LNX2: variants seen among roughly 807,000 people sequenced by gnomAD.
LNX2 encodes ligand of Numb protein X 2.
In LNX2, 35 loss-of-function variants were observed where a neutral mutation model predicts 66.2. The observed-to-expected ratio is 0.53, with a 90% CI of 0.40 to 0.70. The LOEUF (loss-of-function observed/expected upper bound fraction) is 0.70, where lower values mean the gene tolerates loss of function less well. Among genes scored for constraint, LNX2 ranks in the 30% least tolerant of loss-of-function variants. The pLI is 0.00. For synonymous variants in LNX2, 337 were observed against 315.6 expected, an observed-to-expected ratio of 1.07 and a Z score of -0.72; for missense variants, 791 against 850.8, an observed-to-expected ratio of 0.93 and a Z score of 0.87.
chr13:27,601,628 A>G (rs1420072528), intron 1 of LNX2, among the ~76,000 whole-genome samples: 1 of 152,222 alleles, frequency 6.6e-6, no homozygotes, highest in Non-Finnish European at 1.5e-5. Context: ...CTAAAATAAT[A>G]TATCATGCAT....
At chr13:27,548,920 C>A (rs1954974408) in intron 9 of LNX2, among the ~76,000 whole-genome samples, 3 of 152,158 alleles carry the variant, frequency 2.0e-5, no homozygotes, top group African/African-American at 7.2e-5. Context: ...GTACTCTAAG[C>A]AGAATTATTA....
chr13:27,556,696 G>T (rs748895247), intron 6 of LNX2, among the ~76,000 whole-genome samples: 1 of 151,932 alleles, frequency 6.6e-6, no homozygotes, highest in Non-Finnish European at 1.5e-5. Context: ...TGTATAATTT[G>T]TTTGAGCTTC....
Position 27,581,351 on chromosome 13 carries a change from G to A in LNX2, c.353C>T (p.Ser118Leu). 6.4e-7 allele frequency: 1 copy of A among 1,560,930 alleles called. No homozygotes were observed. Among genetic ancestry groups the A allele is most frequent in the Non-Finnish European group, 8.7e-7 (1 of 1,150,148 alleles). ...ACGTTGCATTACATCTTTGCACACT[G>A]AAGAAAATGGACATAAAACTAATAA... ...DKLLVLCPFSSVCKDVMQRCD... is the reference protein window; with the variant it reads ...DKLLVLCPFSLVCKDVMQRCD... Residue 118 changes from serine (S) to leucine (L), a missense_variant, in exon 2 of 10, where the codon TCA becomes TTA. Coordinates refer to ENST00000316334, the MANE Select transcript of LNX2 (RefSeq NM_153371.4).
intron 9 of LNX2, 127 bp downstream of exon 9, chr13:27,550,206 G>A: frequency 1.4e-6 from 1 of 725,840 alleles, no homozygotes; most frequent in Non-Finnish European, 2.2e-6. Context: ...AAGTGTAGCT[G>A]CACTGCAATG....
intron 1 of LNX2, among the ~76,000 whole-genome samples, chr13:27,612,317 C>T (rs968540797): frequency 6.6e-6 from 1 of 152,218 alleles, no homozygotes; most frequent in Non-Finnish European, 1.5e-5. Flanking sequence ...TCCCAGCTCT[C>T]TCTCATCCAC....
At chr13:27,599,388 T>C (rs1185518002) in intron 1 of LNX2, among the ~76,000 whole-genome samples, 3 of 152,200 alleles carry the variant, frequency 2.0e-5, no homozygotes, top group African/African-American at 7.2e-5. Flanking sequence ...ACCACTACTT[T>C]GTAAATTAGT....
At chr13:27,591,586 C>T (rs935811852) in intron 1 of LNX2, among the ~76,000 whole-genome samples, 2 of 152,158 alleles carry the variant, frequency 1.3e-5, no homozygotes, top group African/African-American at 4.8e-5. Context: ...ATCTGACCTC[C>T]CATTCTTTTT....
intron 2 of LNX2, 147 bp from the exon 3 acceptor site, chr13:27,569,423 A>G (rs1955250274): frequency 2.6e-6 from 2 of 757,774 alleles, no homozygotes; most frequent in Admixed American, 5.7e-5. Flanking sequence ...CCTAATCTCC[A>G]CTCACACTAA....
intron 1 of LNX2, among the ~76,000 whole-genome samples, chr13:27,584,672 C>A (rs571827811): frequency 6.6e-6 from 1 of 151,032 alleles, no homozygotes; most frequent in Non-Finnish European, 1.5e-5. Flanking sequence ...GGCAACAAAG[C>A]GAGACCCTGT....
intron 2 of LNX2, among the ~76,000 whole-genome samples, chr13:27,577,282 T>C (rs771457157): frequency 6.6e-6 from 1 of 152,214 alleles, no homozygotes. Context: ...TGCAAATACA[T>C]ATATCTGCTT....
chr13:27,593,530 G>A (rs763810164), intron 1 of LNX2, among the ~76,000 whole-genome samples: 4 of 145,796 alleles, frequency 2.7e-5, no homozygotes, highest in African/African-American at 1.0e-4. Flanking sequence ...TATCACTAAC[G>A]TCTCTCTCCT....
chr13:27,591,216 C>T (rs1955543430), intron 1 of LNX2, among the ~76,000 whole-genome samples: 1 of 152,168 alleles, frequency 6.6e-6, no homozygotes, highest in South Asian at 2.1e-4. Flanking sequence ...AGTTACAGTT[C>T]TAACACTGAG....
At chr13:27,574,492 T>C (rs962790561) in intron 2 of LNX2, among the ~76,000 whole-genome samples, 14 of 150,252 alleles carry the variant, frequency 9.3e-5, no homozygotes, top group African/African-American at 2.2e-4. Flanking sequence ...AACTTGCAGA[T>C]AGGTTTATTG....
intron 1 of LNX2, among the ~76,000 whole-genome samples, chr13:27,603,637 A>G (rs1955682193): frequency 6.6e-6 from 1 of 152,204 alleles, no homozygotes; most frequent in African/African-American, 2.4e-5. Flanking sequence ...CTGAAGAGAT[A>G]AACAGTTTCA....
chr13:27,559,870 G>C lies in LNX2; in HGVS notation c.1340C>G (p.Pro447Arg), dbSNP rs751520558. The C allele has an allele frequency of 1.2e-6, 2 of 1,606,728 alleles. No individual in the cohort carries two copies. Among genetic ancestry groups the C allele is most frequent in the South Asian group, 1.1e-5 (1 of 90,528 alleles). Residue 447 changes from proline (P) to arginine (R), a missense_variant, in exon 6 of 10, where the codon CCG (proline) becomes CGG (arginine). Physicochemically the swap from Pro to Arg is moderately radical, Grantham distance 103. Transcript: ENST00000316334. ...ATGTGAGCTTGGTCTGCTATAATAC[G>C]GTGGTGGTGTGTGGTGCTGGCTGCT... is the stretch of plus-strand genomic sequence containing the variant. The part of the protein sequence containing the change: ...SSSSQHHTPP[P>R]YYSRPSSHKD...
At chr13:27,596,507 T>C (rs754669410) in intron 1 of LNX2, among the ~76,000 whole-genome samples, 52 of 152,348 alleles carry the variant, frequency 3.4e-4, no homozygotes, top group Admixed American at 1.4e-3. Context: ...CCCATGGAGA[T>C]GTATGTTAAA....
Position 27,548,409 on chromosome 13 carries a change from G to C in LNX2, c.1999C>G (p.Leu667Val), listed in dbSNP as rs1015064895. 4 of 1,614,152 alleles carry C rather than the reference G, an allele frequency of 2.5e-6. No homozygotes were observed. Residue 667 changes from leucine (L) to valine (V), a missense_variant, in exon 10 of 10, where the codon CTA (leucine) becomes GTA (valine). Leu to Val is a conservative substitution (Grantham distance 32). Transcript: ENST00000316334. ...LSTVGMSHSALVPMLKEQRNK... is the reference protein window; with the variant it reads ...LSTVGMSHSAVVPMLKEQRNK... ...CTCTGCTCCTTCAACATGGGAACTA[G>C]TGCAGAGTGGCTCATGCCCACGGTT... is the stretch of plus-strand genomic sequence containing the variant.
chr13:27,552,145 G>GA (rs1294751193), intron 8 of LNX2, among the ~76,000 whole-genome samples: 3 of 152,058 alleles, frequency 2.0e-5, no homozygotes, highest in Non-Finnish European at 4.4e-5. Context: ...AAAATGCTCT[G>GA]AAAAAAAGAG....
Position 27,567,639 on chromosome 13 carries a change from C to G in LNX2, c.855+1G>C. 11 of 1,612,984 alleles carry G rather than the reference C, an allele frequency of 6.8e-6. No homozygotes were observed. Among genetic ancestry groups the G allele is most frequent in the Non-Finnish European group, 9.3e-6 (11 of 1,179,102 alleles). Reference sequence around the variant, plus strand: ...GTTAACAGAATAATTAAAACTGATACCTGAAGAATCTGGTCTCCAGCAAGA... The same window carrying G: ...GTTAACAGAATAATTAAAACTGATAGCTGAAGAATCTGGTCTCCAGCAAGA... On this transcript the variant is annotated splice_donor_variant, in intron 4 of 9. Transcript: ENST00000316334. LOFTEE classifies it high-confidence loss of function.
Sources: allele counts gnomAD v4.1 joint callset (sites outside exome capture counted in the v4.1 genomes callset), GRCh38; gene constraint gnomAD v4.1.1; transcripts MANE v1.5; gene names NCBI Gene and HGNC (gene_info 2026-07-23, HGNC 2026-07-21).